GABBR2: variants seen among roughly 807,000 people sequenced by gnomAD.
GABBR2 encodes the protein gamma-aminobutyric acid type B receptor subunit 2.
In GABBR2, 23 loss-of-function variants were observed where a neutral mutation model predicts 105.6. The ratio of observed to expected loss-of-function variants is 0.22; its 90% CI spans 0.16 to 0.31. The LOEUF (loss-of-function observed/expected upper bound fraction) is 0.31. Among genes scored for constraint, GABBR2 ranks in the 10% least tolerant of loss-of-function variants. GABBR2 has a pLI of 1.00. For missense variants in GABBR2, 734 were observed against 1,245.5 expected (o/e 0.59, Z 6.18); for synonymous variants, 478 against 499.7 (o/e 0.96, Z 0.58).
intron 1 of GABBR2, among the ~76,000 whole-genome samples, chr9:98,676,070 T>C (rs75526353): frequency 6.6e-6 from 1 of 152,234 alleles, no homozygotes; most frequent in Non-Finnish European, 1.5e-5. Context: ...TGACTAAGAA[T>C]TTTGAGATGG....
chr9:98,436,315 A>ATATATATAT lies in GABBR2; in HGVS notation c.1236+17665_1236+17666insATATATATA, dbSNP rs59876797. Among the ~76,000 whole-genome samples, 507 of 86,994 alleles carry ATATATATAT rather than the reference A, an allele frequency of 5.8e-3. 52 individuals carry two copies. Among genetic ancestry groups the ATATATATAT allele is most frequent in the South Asian group, 0.012 (29 of 2,472 alleles). The allele number at this position is 86,994 out of a possible 152,430, so 57.1% of individuals were successfully genotyped here. A position where few individuals can be genotyped will look rare whatever the true frequency, so the allele number is the denominator to read the frequency against. ...TATATATATATATACCCATAAATATACCATATATATATATATACACACACA... is the reference window on the plus strand; with the variant it reads ...TATATATATATATACCCATAAATATATATATATATCCATATATATATATATACACACACA... On this transcript the variant is annotated intron_variant, in intron 7 of 18. Transcript: ENST00000259455.
intron 3 of GABBR2, among the ~76,000 whole-genome samples, chr9:98,517,209 C>T (rs1226818414): frequency 6.6e-6 from 1 of 152,230 alleles, no homozygotes; most frequent in Admixed American, 6.5e-5. Flanking sequence ...TTTGGGACTT[C>T]TCTGAAGGGC....
At chr9:98,593,748 C>T (rs138966980) in intron 1 of GABBR2, among the ~76,000 whole-genome samples, 87 of 152,302 alleles carry the variant, frequency 5.7e-4, no homozygotes, top group South Asian at 1.0e-3. Flanking sequence ...ACCCACTGGC[C>T]GCCTGCTCAC....
chr9:98,523,944 A>G (rs1827912552), intron 3 of GABBR2, among the ~76,000 whole-genome samples: 1 of 152,224 alleles, frequency 6.6e-6, no homozygotes, highest in Non-Finnish European at 1.5e-5. Flanking sequence ...TTACATCAAT[A>G]AAAGAAGCAA....
At chr9:98,583,152 T>TG (rs766038056) in intron 1 of GABBR2, among the ~76,000 whole-genome samples, 4 of 152,240 alleles carry the variant, frequency 2.6e-5, no homozygotes, top group Non-Finnish European at 5.9e-5. Context: ...CATGCTTCCC[T>TG]GGCTCCCCTA....
At chr9:98,509,803 C>A (rs1827598267) in intron 3 of GABBR2, among the ~76,000 whole-genome samples, 2 of 152,188 alleles carry the variant, frequency 1.3e-5, no homozygotes, top group African/African-American at 4.8e-5. Context: ...ATTGGTGTAC[C>A]TGAAAGTGAC....
At chr9:98,358,108 G>C (rs1457409865) in intron 13 of GABBR2, among the ~76,000 whole-genome samples, 1 of 152,126 alleles carries the variant, frequency 6.6e-6, no homozygotes, top group African/African-American at 2.4e-5. Context: ...TATCCATTCT[G>C]TTCCTGTGGG....
intron 13 of GABBR2, among the ~76,000 whole-genome samples, chr9:98,330,689 GTTTC>G (rs1026406452): frequency 6.6e-6 from 1 of 152,064 alleles, no homozygotes; most frequent in African/African-American, 2.4e-5. Context: ...TGCTTTCACT[GTTTC>G]TTTACCTGGA....
intron 13 of GABBR2, among the ~76,000 whole-genome samples, chr9:98,349,995 A>C (rs1283807029): frequency 6.6e-6 from 1 of 150,878 alleles, no homozygotes; most frequent in Non-Finnish European, 1.5e-5. Flanking sequence ...ATGTGTCCAG[A>C]AATTTACCCA....
rs141857216 is a variant in GABBR2 at position 98,697,435 on chromosome 9, G to A, written c.321+10982C>T. Reference sequence around the variant, plus strand: ...GAACACGGGAGGCGGAGTTTGCAGTGAGCGGAGATGGCGCCACTGCACTCC... The same window carrying A: ...GAACACGGGAGGCGGAGTTTGCAGTAAGCGGAGATGGCGCCACTGCACTCC... On this transcript the variant is annotated intron_variant, in intron 1 of 18. Coordinates refer to ENST00000259455, the MANE Select transcript of GABBR2 (RefSeq NM_005458.8). 3.1e-3 allele frequency among the ~76,000 whole-genome samples: 463 copies of A among 151,240 alleles called. 12 individuals are homozygous for A. The East Asian group carries it at 0.041, about 14-fold the overall frequency.
At chr9:98,392,021 C>G (rs1483862117) in intron 9 of GABBR2, among the ~76,000 whole-genome samples, 1 of 152,034 alleles carries the variant, frequency 6.6e-6, no homozygotes, top group Admixed American at 6.5e-5. Context: ...GGCCTGGGCT[C>G]TGCCCTGACC....
chr9:98,501,110 A>C (rs1827388849), intron 3 of GABBR2, among the ~76,000 whole-genome samples: 1 of 151,498 alleles, frequency 6.6e-6, no homozygotes, highest in Non-Finnish European at 1.5e-5. Context: ...AGGGTGATTA[A>C]GACTAGGAAC....
intron 2 of GABBR2, among the ~76,000 whole-genome samples, chr9:98,555,366 T>A (rs1367622905): frequency 6.6e-6 from 1 of 152,242 alleles, no homozygotes; most frequent in Non-Finnish European, 1.5e-5. Context: ...AATCCTAATC[T>A]ATTATTTTAA....
intron 6 of GABBR2, among the ~76,000 whole-genome samples, chr9:98,470,134 G>A (rs1179890061): frequency 1.3e-5 from 2 of 152,214 alleles, no homozygotes; most frequent in Non-Finnish European, 2.9e-5. Context: ...TGAGCATGGG[G>A]AGGGGTTTGA....
chr9:98,293,682 CAAATA>C (rs1248405353), intron 18 of GABBR2, 98 bp downstream of exon 18: 2 of 670,792 alleles, frequency 3.0e-6, no homozygotes, highest in African/African-American at 3.6e-5. Flanking sequence ...CTGTGGAAAG[CAAATA>C]AAATAATGGA....
chr9:98,388,952 G>C lies in GABBR2; in HGVS notation c.1431C>G (p.Ile477Met), dbSNP rs1832129441. Residue 477 changes from isoleucine (I) to methionine (M), a missense_variant, in exon 10 of 19, where the codon ATC (isoleucine) becomes ATG (methionine). By Grantham distance (10) the Ile-to-Met change is conservative. This residue lies in a region of GABBR2 where 370 missense variants were observed against 648.9 expected (regional missense o/e 0.57). Coordinates refer to ENST00000259455, the MANE Select transcript of GABBR2 (RefSeq NM_005458.8). This position sits in a 1 kb window ranked among gnomAD's most constrained non-coding sequence, Gnocchi z 4.4. ...AGAGGATGCTGTAGAGAGGTAGGGA[G>C]ATCTTCCGCAGCTGCTCCAGGATGA... ...KTIILEQLRK[I>M]SLPLYSILSA... 6.2e-7 allele frequency: 1 copy of C among 1,613,322 alleles called. No individual in the cohort carries two copies. The highest frequency in any genetic ancestry group is 8.5e-7 in the Non-Finnish European group (1 of 1,179,510).
In GABBR2 at chr9:98,493,189, A is replaced by G. The variant is rs1827213400; in HGVS notation, c.732+3224T>C. ...GCTTTGGCCATTGGGAGCTCTTTCA[A>G]TTGGCAACTGTACTCCCTTGATACA... On this transcript the variant is annotated intron_variant, in intron 4 of 18. Transcript: ENST00000259455. Among the ~76,000 whole-genome samples, 8 of 152,266 alleles carry G rather than the reference A, an allele frequency of 5.3e-5. No individual in the cohort carries two copies. The South Asian group carries it at 1.7e-3, about 32-fold the overall frequency.
chr9:98,531,091 C>G (rs1828059194), intron 3 of GABBR2, among the ~76,000 whole-genome samples: 1 of 152,150 alleles, frequency 6.6e-6, no homozygotes, highest in African/African-American at 2.4e-5. Context: ...AGAAGGCACA[C>G]TCAGTCAACG....
chr9:98,383,822 T>C (rs1421960382), intron 11 of GABBR2, among the ~76,000 whole-genome samples: 3 of 152,160 alleles, frequency 2.0e-5, no homozygotes, highest in Non-Finnish European at 4.4e-5. Flanking sequence ...CTTCTTTCCA[T>C]GTGCTGTCCC....
Sources: gnomAD v4.1 joint callset for allele counts (sites outside exome capture counted in the v4.1 genomes callset) on GRCh38, gnomAD v4.1.1 for gene constraint, gnomAD v4.1.1 regional missense constraint, Gnocchi (gnomAD v3.1) non-coding constraint, MANE v1.5 for transcripts, NCBI Gene and HGNC (gene_info 2026-07-23, HGNC 2026-07-21) for gene names.